CHD9: variants seen among roughly 807,000 people sequenced by gnomAD.
CHD9 encodes chromodomain helicase DNA binding protein 9, also known as ATP-dependent chromatin remodeler CHD9.
A neutral mutation model predicts 316.1 loss-of-function variants in CHD9; 77 were observed. That is an observed-to-expected ratio of 0.24 (90% CI 0.20 to 0.29). CHD9 has a LOEUF of 0.29. Ranked by LOEUF, CHD9 falls within the 10% of genes least tolerant of loss-of-function variation. The pLI, the probability that CHD9 is intolerant of heterozygous loss-of-function variation, is 1.00. For missense variants in CHD9, 2,763 were observed against 3,438.1 expected, an observed-to-expected ratio of 0.80 and a Z score of 4.91; for synonymous variants, 1,129 against 1,158.3, an observed-to-expected ratio of 0.97 and a Z score of 0.51.
At chr16:53,105,141 C>G (rs1442277889) in intron 1 of CHD9, among the ~76,000 whole-genome samples, 3 of 152,110 alleles carry the variant, frequency 2.0e-5, no homozygotes, top group African/African-American at 7.2e-5. Context: ...CCACGCGCAG[C>G]CTCTTTAAAA....
At chr16:53,229,360 G>A (rs1441599839) in intron 8 of CHD9, among the ~76,000 whole-genome samples, 1 of 152,180 alleles carries the variant, frequency 6.6e-6, no homozygotes, top group African/African-American at 2.4e-5. Flanking sequence ...TTGAATGTGA[G>A]TATGGTAATA....
intron 1 of CHD9, among the ~76,000 whole-genome samples, chr16:53,135,878 G>A (rs2039675692): frequency 6.6e-6 from 1 of 151,988 alleles, no homozygotes; most frequent in Non-Finnish European, 1.5e-5. Flanking sequence ...TTTTCATAAT[G>A]GATTATATTA....
Position 53,293,049 on chromosome 16 carries a change from A to G in CHD9, c.5507A>G (p.Gln1836Arg). 6.2e-7 allele frequency: 1 copy of G among 1,609,666 alleles called. No homozygotes were observed. The highest frequency in any genetic ancestry group is 8.5e-7 in the Non-Finnish European group (1 of 1,177,366). The change falls in exon 29 of 39, where the codon CAA (glutamine) becomes CGA (arginine). Residue 1836 changes from glutamine (Q) to arginine (R), a missense_variant. Gln to Arg is a conservative substitution (Grantham distance 43). Around this residue, in one of 15 missense-constraint regions of CHD9, gnomAD observed 183 missense variants for 258.5 expected, o/e 0.71. Transcript: ENST00000447540. ...ATGGCAGCCAAGATAGAAAGACAGC[A>G]AAGGTAAGACAATAACACTAAATTT... ...PKMAAKIERQ[Q>R]RWTRREEADF...
At chr16:53,114,505 G>T (rs2038120853) in intron 1 of CHD9, among the ~76,000 whole-genome samples, 1 of 152,168 alleles carries the variant, frequency 6.6e-6, no homozygotes, top group Admixed American at 6.5e-5. Flanking sequence ...TGATCCACCT[G>T]CCTTGGCCTC....
Position 53,125,072 on chromosome 16 carries a change from A to C in CHD9, c.-164-30854A>C, listed in dbSNP as rs568836669. ...TTGGCTATTTGTAGATCTTCTTTGA[A>C]GAAATGTCTACTCAGATACTGTGAC... is the stretch of plus-strand genomic sequence containing the variant. On this transcript the variant is annotated intron_variant, in intron 1 of 38. Transcript: ENST00000447540. 4.8e-4 allele frequency among the ~76,000 whole-genome samples: 73 copies of C among 152,268 alleles called. 2 individuals are homozygous for C. In the South Asian group the frequency reaches 0.013, roughly 28 times the overall value.
intron 2 of CHD9, chr16:53,168,625 C>CT (rs2042446364): frequency 1.3e-5 from 2 of 152,096 alleles, no homozygotes; most frequent in Admixed American, 1.3e-4. Flanking sequence ...CATAGAGCAC[C>CT]TATTGTGTAT....
chr16:53,117,180 T>A (rs1380349426), intron 1 of CHD9, among the ~76,000 whole-genome samples: 1 of 152,048 alleles, frequency 6.6e-6, no homozygotes, highest in Non-Finnish European at 1.5e-5. Flanking sequence ...ATGGCACACG[T>A]TTACCTATGT....
intron 27 of CHD9, among the ~76,000 whole-genome samples, chr16:53,289,655 A>G (rs1053040770): frequency 6.6e-5 from 10 of 152,192 alleles, no homozygotes; most frequent in Non-Finnish European, 1.5e-4. Flanking sequence ...ATAGATTAGT[A>G]AAAAATAAAG....
chr16:53,226,587 C>T, intron 5 of CHD9, 75 bp downstream of exon 5: 1 of 1,507,114 alleles, frequency 6.6e-7, no homozygotes, highest in South Asian at 1.3e-5. Context: ...CATTGTTTTT[C>T]CTACTAAAAA....
intron 1 of CHD9, among the ~76,000 whole-genome samples, chr16:53,082,158 T>C (rs1247448343): frequency 1.3e-5 from 2 of 152,252 alleles, no homozygotes; most frequent in East Asian, 1.9e-4. Context: ...AAACACTTAG[T>C]TCTCCATCCT....
chr16:53,293,786 A>G (rs576338502), intron 29 of CHD9, among the ~76,000 whole-genome samples: 1 of 152,124 alleles, frequency 6.6e-6, no homozygotes, highest in South Asian at 2.1e-4. Flanking sequence ...CCCCATCTCT[A>G]CTAAAAATAC....
At chr16:53,287,068 T>C (rs2053941156) in intron 26 of CHD9, among the ~76,000 whole-genome samples, 1 of 152,096 alleles carries the variant, frequency 6.6e-6, no homozygotes, top group Non-Finnish European at 1.5e-5. Flanking sequence ...CTAGTGATCC[T>C]CCCACTTAGT....
chr16:53,260,877 C>T (rs1187412718), intron 19 of CHD9, among the ~76,000 whole-genome samples: 1 of 152,068 alleles, frequency 6.6e-6, no homozygotes, highest in African/African-American at 2.4e-5. Flanking sequence ...ACATTTAGGG[C>T]CTACTTGGAT....
intron 1 of CHD9, among the ~76,000 whole-genome samples, chr16:53,089,530 T>A (rs2035758248): frequency 6.6e-6 from 1 of 152,196 alleles, no homozygotes; most frequent in South Asian, 2.1e-4. Flanking sequence ...TGTCTTCCCA[T>A]TTTTACAGAT....
At chr16:53,281,647 C>T (rs2053427350) in intron 24 of CHD9, among the ~76,000 whole-genome samples, 2 of 152,286 alleles carry the variant, frequency 1.3e-5, no homozygotes, top group Admixed American at 1.3e-4. Context: ...ACAAGGGCCT[C>T]CATAACTCTG....
At chr16:53,128,609 C>T (rs1474038314) in intron 1 of CHD9, among the ~76,000 whole-genome samples, 2 of 152,098 alleles carry the variant, frequency 1.3e-5, no homozygotes, top group Non-Finnish European at 2.9e-5. Flanking sequence ...TGATGTTGTT[C>T]GTGATATTGA....
chr16:53,320,971 A>G (rs2057236565), intron 37 of CHD9, among the ~76,000 whole-genome samples: 1 of 152,176 alleles, frequency 6.6e-6, no homozygotes, highest in South Asian at 2.1e-4. Flanking sequence ...TGAAAAATAG[A>G]AATAATACTA....
At chr16:53,178,037 A>G (rs141973359) in intron 2 of CHD9, among the ~76,000 whole-genome samples, 5 of 152,344 alleles carry the variant, frequency 3.3e-5, no homozygotes, top group African/African-American at 1.2e-4. Flanking sequence ...GAGAGAACAC[A>G]CATAGGGAAT....
intron 2 of CHD9, among the ~76,000 whole-genome samples, chr16:53,173,051 A>C (rs958221573): frequency 6.6e-6 from 1 of 152,018 alleles, no homozygotes; most frequent in Non-Finnish European, 1.5e-5. Context: ...GTTTTGTTTC[A>C]TGTTTAAGAA....
Sources: gnomAD v4.1 joint callset for allele counts (sites outside exome capture counted in the v4.1 genomes callset) on GRCh38, gnomAD v4.1.1 for gene constraint, gnomAD v4.1.1 regional missense constraint, MANE v1.5 for transcripts, NCBI Gene and HGNC (gene_info 2026-07-23, HGNC 2026-07-21) for gene names.